IL26: variants seen among roughly 807,000 people sequenced by gnomAD.
IL26 encodes the protein interleukin 26.
Under a neutral mutation model 21.7 loss-of-function variants are expected in IL26, and 23 were observed. That is an observed-to-expected ratio of 1.06 (90% CI 0.76 to 1.50). The LOEUF is 1.50. IL26 is among the 40% of genes most tolerant of loss of function. IL26 has a pLI of 0.00. For missense variants in IL26, 204 were observed against 196.0 expected, an observed-to-expected ratio of 1.04 and a Z score of -0.24; for synonymous variants, 63 against 67.8, an observed-to-expected ratio of 0.93 and a Z score of 0.34.
At chr12:68,210,954 C>CATA (rs1392947813) in intron 3 of IL26, among the ~76,000 whole-genome samples, 2 of 152,118 alleles carry the variant, frequency 1.3e-5, no homozygotes, top group Non-Finnish European at 2.9e-5. Flanking sequence ...TTTATTGAGA[C>CATA]ATAATAGATG....
At chr12:68,208,832 T>C (rs189954348) in intron 3 of IL26, among the ~76,000 whole-genome samples, 20 of 152,260 alleles carry the variant, frequency 1.3e-4, no homozygotes, top group African/African-American at 4.6e-4. Flanking sequence ...AGGACAGAAG[T>C]ATTGTCTGTC....
intron 3 of IL26, among the ~76,000 whole-genome samples, chr12:68,214,157 T>C (rs1868809909): frequency 6.6e-6 from 1 of 152,162 alleles, no homozygotes; most frequent in Non-Finnish European, 1.5e-5. Context: ...TGAGTTTTCG[T>C]AGTTTCCAAG....
At chr12:68,203,236 C>T (rs946244642) in intron 3 of IL26, among the ~76,000 whole-genome samples, 1 of 152,112 alleles carries the variant, frequency 6.6e-6, no homozygotes, top group African/African-American at 2.4e-5. Flanking sequence ...ACAGGAATCA[C>T]CTGGGCGTCA....
chr12:68,223,452 C>T (rs1592902143), intron 3 of IL26, among the ~76,000 whole-genome samples: 1 of 152,290 alleles, frequency 6.6e-6, no homozygotes, highest in East Asian at 1.9e-4. Context: ...GTTTCCTAAG[C>T]TTTTCATCTA....
At chr12:68,215,462 T>C (rs1209922623) in intron 3 of IL26, among the ~76,000 whole-genome samples, 1 of 152,182 alleles carries the variant, frequency 6.6e-6, no homozygotes, top group African/African-American at 2.4e-5. Flanking sequence ...GTGATAATCA[T>C]AGTGCTGTGT....
intron 3 of IL26, among the ~76,000 whole-genome samples, chr12:68,215,199 G>A (rs2120453982): frequency 6.6e-6 from 1 of 152,204 alleles, no homozygotes; most frequent in South Asian, 2.1e-4. Flanking sequence ...TTTTGTTGAG[G>A]CAGGTATAGG....
chr12:68,208,165 A>C (rs1448507359), intron 3 of IL26, among the ~76,000 whole-genome samples: 2 of 152,208 alleles, frequency 1.3e-5, no homozygotes. Flanking sequence ...ACTGTGATTA[A>C]AACAAAAACA....
At chr12:68,215,334 G>A (rs932372352) in intron 3 of IL26, among the ~76,000 whole-genome samples, 15 of 152,122 alleles carry the variant, frequency 9.9e-5, no homozygotes, top group Non-Finnish European at 2.1e-4. Flanking sequence ...CAGATTGGGG[G>A]AGGGGCATTG....
At position 68,201,710 on chromosome 12, in the gene IL26, C is replaced by G; in HGVS notation, c.*135G>C. 1 of 518,758 alleles carries G rather than the reference C, an allele frequency of 1.9e-6. No individual in the cohort carries two copies. Among genetic ancestry groups the G allele is most frequent in the Non-Finnish European group, 3.4e-6 (1 of 298,304 alleles). 32.1% of individuals were successfully genotyped at this position (518,758 alleles called of 1,614,324 possible). A position where few individuals can be genotyped will look rare whatever the true frequency, so the allele number is the denominator to read the frequency against. On this transcript the variant is annotated 3_prime_UTR_variant, in exon 5 of 5. Transcript: ENST00000229134. ...CGTTAATTTACTAAATCCTTCTTGT[C>G]TATTCTGAATCACCTAACATGCCGT...
intron 3 of IL26, among the ~76,000 whole-genome samples, chr12:68,208,901 A>G (rs1250180288): frequency 6.6e-6 from 1 of 152,160 alleles, no homozygotes; most frequent in African/African-American, 2.4e-5. Context: ...AATAATAAAC[A>G]TTTGCTGAAT....
intron 3 of IL26, among the ~76,000 whole-genome samples, chr12:68,218,845 G>A (rs1265328474): frequency 6.6e-6 from 1 of 151,948 alleles, no homozygotes; most frequent in Admixed American, 6.6e-5. Context: ...ATGAGTAAAA[G>A]GATGGAAAAA....
At chr12:68,224,233 A>C (rs75010193) in intron 3 of IL26, among the ~76,000 whole-genome samples, 1 of 152,156 alleles carries the variant, frequency 6.6e-6, no homozygotes, top group Non-Finnish European at 1.5e-5. Flanking sequence ...AAAAGCTTCA[A>C]TATTCCCCAC....
Position 68,225,652 on chromosome 12 carries a change from C to G in IL26, c.105G>C (p.Arg35Ser), listed in dbSNP as rs984603395. Residue 35 changes from arginine to serine, a missense_variant, in exon 1 of 5, where the codon AGG becomes AGC. By Grantham distance (110) the Arg-to-Ser change is moderately radical (BLOSUM62 -1). Transcript: ENST00000229134. ...QSSFTKSCYP[R>S]GTLSQAVDAL... ...CGTCAACAGCTTGGGACAATGTTCCCCTTGGGTAACAACTTTTGGTGAAGG... is the reference window on the plus strand; with the variant it reads ...CGTCAACAGCTTGGGACAATGTTCCGCTTGGGTAACAACTTTTGGTGAAGG... The G allele has an allele frequency of 1.8e-5, 29 of 1,614,056 alleles. No homozygotes were observed. The highest frequency in any genetic ancestry group is 3.3e-5 in the Admixed American group (2 of 60,008).
At chr12:68,208,369 A>T (rs1192210765) in intron 3 of IL26, among the ~76,000 whole-genome samples, 1 of 152,142 alleles carries the variant, frequency 6.6e-6, no homozygotes, top group African/African-American at 2.4e-5. Context: ...CCTCGGACTA[A>T]ATCCAAGTTA....
At chr12:68,224,537 A>T (rs1464881631) in intron 3 of IL26, among the ~76,000 whole-genome samples, 1 of 152,024 alleles carries the variant, frequency 6.6e-6, no homozygotes, top group Admixed American at 6.6e-5. Context: ...TTTTAAAAAC[A>T]TAAGTAAATA....
rs369931547 is a variant in IL26 at position 68,223,547 on chromosome 12, TG to T, written c.363+1601del. 1.1e-4 allele frequency among the ~76,000 whole-genome samples: 17 copies of T among 152,320 alleles called. No individual in the cohort carries two copies. In the East Asian group the frequency reaches 3.3e-3, roughly 29 times the overall value. On this transcript the variant is annotated intron_variant, in intron 3 of 4. Transcript: ENST00000229134. Reference sequence around the variant, plus strand: ...CAAAACCAAATTAGTAATGAAAACCTGACATGGATTTGGGGGTTCTGACCAG... The same window carrying T: ...CAAAACCAAATTAGTAATGAAAACCTACATGGATTTGGGGGTTCTGACCAG...
chr12:68,212,746 C>T (rs530879086), intron 3 of IL26, among the ~76,000 whole-genome samples: 1 of 151,834 alleles, frequency 6.6e-6, no homozygotes, highest in Non-Finnish European at 1.5e-5. Context: ...ATTTTTGTAT[C>T]CTGCAAATTT....
intron 3 of IL26, among the ~76,000 whole-genome samples, chr12:68,204,236 G>A (rs957558996): frequency 7.0e-6 from 1 of 143,626 alleles, no homozygotes; most frequent in African/African-American, 2.6e-5. Flanking sequence ...CTCCACCCCC[G>A]GGGTTCACGC....
intron 2 of IL26, 65 bp from the exon 3 acceptor site, chr12:68,225,348 C>A (rs1368022285): frequency 1.3e-6 from 2 of 1,549,290 alleles, no homozygotes; most frequent in African/African-American, 2.8e-5. Flanking sequence ...GTCCCCCGAT[C>A]ATTACTTAAT....
Sources: allele counts gnomAD v4.1 joint callset (sites outside exome capture counted in the v4.1 genomes callset), GRCh38; gene constraint gnomAD v4.1.1; transcripts MANE v1.5; gene names NCBI Gene and HGNC (gene_info 2026-07-23, HGNC 2026-07-21).